Variants in KCNMA1 observed in about 807,000 individuals in gnomAD.
The protein encoded by KCNMA1 is potassium calcium-activated channel subfamily M alpha 1.
KCNMA1 carries 29 observed loss-of-function variants against 140.0 expected under a neutral mutation model. The observed-to-expected ratio is 0.21, with a 90% CI of 0.15 to 0.28. The LOEUF (loss-of-function observed/expected upper bound fraction) is 0.28, where lower values mean the gene tolerates loss of function less well. Ranked by LOEUF, KCNMA1 falls within the 10% of genes least tolerant of loss-of-function variation. The pLI is 1.00. For synonymous variants in KCNMA1, 612 were observed against 611.9 expected (o/e 1.00, Z 0.00); for missense variants, 880 against 1,602.2 (o/e 0.55, Z 7.70).
At chr10:77,480,955 C>CAA (rs11288201) in intron 1 of KCNMA1, among the ~76,000 whole-genome samples, 4 of 122,924 alleles carry the variant, frequency 3.3e-5, no homozygotes, top group African/African-American at 8.6e-5. Context: ...ACTAAAAATA[C>CAA]AAAAAAAAAA....
intron 20 of KCNMA1, among the ~76,000 whole-genome samples, chr10:76,959,601 C>T (rs1315863680): frequency 6.6e-6 from 1 of 152,176 alleles, no homozygotes; most frequent in African/African-American, 2.4e-5. Context: ...ATCCTTTATA[C>T]TTTGCTTAGG....
chr10:77,443,300 TGCATTCATGGTCTA>T (rs1228480676), intron 1 of KCNMA1, among the ~76,000 whole-genome samples: 3 of 152,170 alleles, frequency 2.0e-5, no homozygotes. Context: ...CTAGAAGCCC[TGCATTCATGGTCTA>T]GCATAGCCAC....
chr10:77,068,554 A>C lies in KCNMA1; in HGVS notation c.1749+4543T>G, dbSNP rs2096049677. 2.0e-5 allele frequency among the ~76,000 whole-genome samples: 3 copies of C among 152,192 alleles called. No homozygotes were observed. The South Asian group carries it at 6.2e-4, about 32-fold the overall frequency. ...GAAGCGTGTATTGTTATCGATATTA[A>C]GTAACATTTCACCCGCAAATTCCAA... On this transcript the variant is annotated intron_variant, in intron 14 of 27. Transcript: ENST00000286628.
At chr10:77,245,770 A>C (rs913367967) in intron 3 of KCNMA1, among the ~76,000 whole-genome samples, 35 of 152,198 alleles carry the variant, frequency 2.3e-4, no homozygotes, top group African/African-American at 7.7e-4. Context: ...GGAAGGCCAA[A>C]GAGTCTTTCT....
intron 1 of KCNMA1, among the ~76,000 whole-genome samples, chr10:77,446,263 T>G (rs2097527964): frequency 1.3e-5 from 2 of 152,182 alleles, no homozygotes; most frequent in Non-Finnish European, 2.9e-5. Flanking sequence ...GTCCCTTCAG[T>G]CTGGAGCTGT....
At chr10:77,636,925 G>A in intron 1 of KCNMA1, 2 of 1,420,258 alleles carry the variant, frequency 1.4e-6, no homozygotes. Flanking sequence ...CGTCCCCGCT[G>A]AGTTGGCTGT....
At chr10:76,941,037 G>GAAAGAAAGAAAGAAAGAAAGAA in intron 23 of KCNMA1, among the ~76,000 whole-genome samples, 1 of 70,290 alleles carries the variant, frequency 1.4e-5, no homozygotes, top group Non-Finnish European at 2.9e-5. Flanking sequence ...AAGAAAGAAA[G>GAAAGAAAGAAAGAAAGAAAGAA]AAAGAAAGAA....
intron 12 of KCNMA1, among the ~76,000 whole-genome samples, chr10:77,082,113 C>T (rs562697352): frequency 2.0e-3 from 303 of 148,230 alleles, no homozygotes; most frequent in Middle Eastern, 0.014. Context: ...ACTGCAACCT[C>T]CGCCTCCTGG....
chr10:77,319,899 C>T (rs1413017954), intron 2 of KCNMA1, among the ~76,000 whole-genome samples: 1 of 152,160 alleles, frequency 6.6e-6, no homozygotes, highest in Non-Finnish European at 1.5e-5. Flanking sequence ...AGAAATAAAC[C>T]TTTCTTGTGT....
intron 1 of KCNMA1, among the ~76,000 whole-genome samples, chr10:77,583,983 G>T (rs949380084): frequency 1.3e-5 from 2 of 152,234 alleles, no homozygotes; most frequent in African/African-American, 4.8e-5. Flanking sequence ...GAGACAGATT[G>T]CAGGGGGCTG....
chr10:77,499,461 A>G (rs965698130), intron 1 of KCNMA1, among the ~76,000 whole-genome samples: 10 of 151,576 alleles, frequency 6.6e-5, no homozygotes, highest in East Asian at 3.9e-4. Flanking sequence ...ACACACATAT[A>G]TATATACACA....
chr10:77,340,586 G>A (rs573930610), intron 2 of KCNMA1, among the ~76,000 whole-genome samples: 123 of 152,024 alleles, frequency 8.1e-4, no homozygotes, highest in Admixed American at 1.6e-3. Flanking sequence ...GCTGGAAACC[G>A]TCATTCTCAG....
At chr10:77,001,992 T>G (rs991664932) in intron 18 of KCNMA1, among the ~76,000 whole-genome samples, 41 of 152,210 alleles carry the variant, frequency 2.7e-4, no homozygotes, top group African/African-American at 9.9e-4. Context: ...TGAAATTAGC[T>G]GCTTATTTGG....
intron 14 of KCNMA1, 31 bp from the exon 15 acceptor site, chr10:77,039,668 A>G (rs771361435): frequency 7.3e-7 from 1 of 1,367,738 alleles, no homozygotes; most frequent in South Asian, 1.2e-5. Flanking sequence ...CGGAGAGTTT[A>G]AAATATGACG....
At chr10:77,135,508 G>T (rs144464884) in intron 5 of KCNMA1, among the ~76,000 whole-genome samples, 202 of 152,254 alleles carry the variant, frequency 1.3e-3, no homozygotes, top group African/African-American at 4.4e-3. Context: ...ATATTCAGAG[G>T]AAATGAAATC....
At chr10:77,097,761 A>C (rs984567603) in intron 9 of KCNMA1, among the ~76,000 whole-genome samples, 9 of 152,252 alleles carry the variant, frequency 5.9e-5, no homozygotes, top group Admixed American at 2.0e-4. Context: ...GGACACATCT[A>C]GTACTTTGCT....
At chr10:77,139,797 T>G (rs1233319657) in intron 5 of KCNMA1, among the ~76,000 whole-genome samples, 1 of 152,164 alleles carries the variant, frequency 6.6e-6, no homozygotes, top group Non-Finnish European at 1.5e-5. Flanking sequence ...TTATGATCTC[T>G]GCTGGGTAAG....
chr10:77,234,376 T>G (rs1378907348), intron 3 of KCNMA1, among the ~76,000 whole-genome samples: 1 of 152,226 alleles, frequency 6.6e-6, no homozygotes, highest in Non-Finnish European at 1.5e-5. Flanking sequence ...TGAATTTATC[T>G]TATTTACTTG....
chr10:76,982,082 G>A (rs1471787019), intron 19 of KCNMA1, among the ~76,000 whole-genome samples: 1 of 152,144 alleles, frequency 6.6e-6, no homozygotes, highest in East Asian at 1.9e-4. Flanking sequence ...GATTTGTAAT[G>A]ACTCTGAGTT....
Sources: allele counts gnomAD v4.1 joint callset (sites outside exome capture counted in the v4.1 genomes callset), GRCh38; gene constraint gnomAD v4.1.1; transcripts MANE v1.5; gene names NCBI Gene and HGNC (gene_info 2026-07-23, HGNC 2026-07-21).